Variants in CABCOCO1 observed in about 807,000 individuals in gnomAD.
CABCOCO1 encodes the protein ciliary-associated calcium-binding coiled-coil protein 1.
CABCOCO1 carries 28 observed loss-of-function variants against 35.7 expected under a neutral mutation model. The observed-to-expected ratio is 0.78, with a 90% CI of 0.58 to 1.07. The LOEUF (loss-of-function observed/expected upper bound fraction) is 1.07. CABCOCO1 is among the 50% of genes least tolerant of loss of function. The pLI is 0.00. For missense variants in CABCOCO1, 326 were observed against 309.2 expected (o/e 1.05, Z -0.41); for synonymous variants, 95 against 100.1 (o/e 0.95, Z 0.30).
At chr10:61,730,787 T>C (rs1368182779) in intron 5 of CABCOCO1, among the ~76,000 whole-genome samples, 2 of 152,166 alleles carry the variant, frequency 1.3e-5, no homozygotes, top group African/African-American at 4.8e-5. Context: ...CCTCCTCATA[T>C]ACTGCATTAA....
At position 61,679,894 on chromosome 10, in the gene CABCOCO1, A is replaced by T. The variant is rs542427010; in HGVS notation, c.165-1249A>T. Among the ~76,000 whole-genome samples the T allele has an allele frequency of 5.3e-5, 8 of 152,322 alleles. No homozygotes were observed. In the South Asian group the frequency reaches 1.7e-3, roughly 32 times the overall value. On this transcript the variant is annotated intron_variant, in intron 2 of 7. Transcript: ENST00000648843. Reference sequence around the variant, plus strand: ...AGCTCAAGGAAGAGATAAAGAAATAAAAGATTATAAAACAGTATCCAAAAT... The same window carrying T: ...AGCTCAAGGAAGAGATAAAGAAATATAAGATTATAAAACAGTATCCAAAAT...
intron 5 of CABCOCO1, among the ~76,000 whole-genome samples, chr10:61,732,376 A>G (rs1841323799): frequency 6.6e-6 from 1 of 152,092 alleles, no homozygotes; most frequent in African/African-American, 2.4e-5. Context: ...TGTCTAATCT[A>G]GAATGCAGGT....
chr10:61,687,368 T>C (rs1839998026), intron 4 of CABCOCO1, among the ~76,000 whole-genome samples: 1 of 152,162 alleles, frequency 6.6e-6, no homozygotes, highest in Non-Finnish European at 1.5e-5. Flanking sequence ...TTTCTACCCA[T>C]CAGGGTTTGA....
intron 5 of CABCOCO1, among the ~76,000 whole-genome samples, chr10:61,716,307 C>T (rs980888489): frequency 6.6e-6 from 1 of 152,154 alleles, no homozygotes; most frequent in African/African-American, 2.4e-5. Flanking sequence ...GAAGCAGAAG[C>T]TGCCAGTCCT....
rs112559980 is a variant in CABCOCO1 at position 61,746,260 on chromosome 10, C to T, written c.553-13799C>T. 8.4e-3 allele frequency among the ~76,000 whole-genome samples: 1,273 copies of T among 152,216 alleles called. 3 individuals carry two copies. Among genetic ancestry groups the T allele is most frequent in the Non-Finnish European group, 0.012 (815 of 68,000 alleles). ...GGTGCTTTATAGGACACAATTTATGCTCTCCTTGGTAATTTAAAGGTGATA... is the reference window on the plus strand; with the variant it reads ...GGTGCTTTATAGGACACAATTTATGTTCTCCTTGGTAATTTAAAGGTGATA... On this transcript the variant is annotated intron_variant, in intron 5 of 7. Transcript: ENST00000648843.
At chr10:61,749,841 T>C (rs753536865) in intron 5 of CABCOCO1, among the ~76,000 whole-genome samples, 1 of 152,358 alleles carries the variant, frequency 6.6e-6, no homozygotes, top group East Asian at 1.9e-4. Context: ...TTTGGCTCTT[T>C]CTCAAAACAT....
intron 1 of CABCOCO1, among the ~76,000 whole-genome samples, chr10:61,670,653 C>G (rs990875848): frequency 6.6e-6 from 1 of 152,146 alleles, no homozygotes; most frequent in Non-Finnish European, 1.5e-5. Flanking sequence ...TCTTTTGGAA[C>G]TCAATCGCAT....
At position 61,725,711 on chromosome 10, in the gene CABCOCO1, A is replaced by G. The variant is rs140240628; in HGVS notation, c.553-34348A>G. ...CAACATGGCACATGTATACATATGT[A>G]ACAAACCTGCACATTGTGAACATGT... On this transcript the variant is annotated intron_variant, in intron 5 of 7. Transcript: ENST00000648843. Among the ~76,000 whole-genome samples the G allele has an allele frequency of 4.1e-3, 618 of 152,272 alleles. 6 individuals carry two copies. Among genetic ancestry groups the G allele is most frequent in the African/African-American group, 0.014 (584 of 41,546 alleles).
At chr10:61,681,872 T>A (rs573935677) in intron 3 of CABCOCO1, among the ~76,000 whole-genome samples, 3 of 152,162 alleles carry the variant, frequency 2.0e-5, no homozygotes, top group East Asian at 3.9e-4. Context: ...AGAAAAAAAA[T>A]AATAATCAAA....
chr10:61,665,581 A>G (rs1339485216), intron 1 of CABCOCO1, among the ~76,000 whole-genome samples: 1 of 152,138 alleles, frequency 6.6e-6, no homozygotes, highest in Non-Finnish European at 1.5e-5. Flanking sequence ...GACTTTTTTT[A>G]ATATCTTCAA....
intron 5 of CABCOCO1, among the ~76,000 whole-genome samples, chr10:61,756,695 T>G (rs10994909): frequency 0.23 from 35,238 of 151,960 alleles, 4,625 homozygotes; most frequent in East Asian, 0.55. Context: ...ATTTTTAATC[T>G]CAGCATTAGG....
At chr10:61,711,824 C>T (rs1840738834) in intron 5 of CABCOCO1, among the ~76,000 whole-genome samples, 1 of 151,772 alleles carries the variant, frequency 6.6e-6, no homozygotes, top group Non-Finnish European at 1.5e-5. Context: ...TATGTACAGA[C>T]TAAATACACA....
At chr10:61,680,893 G>A (rs534263889) in intron 2 of CABCOCO1, among the ~76,000 whole-genome samples, 3 of 150,908 alleles carry the variant, frequency 2.0e-5, no homozygotes, top group Middle Eastern at 3.4e-3. Context: ...GGGAAGGGGA[G>A]AGAAGGAGGA....
chr10:61,699,424 C>T (rs1840382735), intron 5 of CABCOCO1, among the ~76,000 whole-genome samples: 2 of 152,138 alleles, frequency 1.3e-5, no homozygotes, highest in East Asian at 1.9e-4. Flanking sequence ...ACTCTTGAGA[C>T]TGTCACCCAA....
At chr10:61,684,402 A>C (rs1276405327) in intron 3 of CABCOCO1, among the ~76,000 whole-genome samples, 1 of 152,176 alleles carries the variant, frequency 6.6e-6, no homozygotes, top group Non-Finnish European at 1.5e-5. Context: ...CTTATTAGTA[A>C]TTTTGGTATT....
chr10:61,729,823 A>G (rs1440949888), intron 5 of CABCOCO1, among the ~76,000 whole-genome samples: 2 of 152,164 alleles, frequency 1.3e-5, no homozygotes, highest in African/African-American at 4.8e-5. Flanking sequence ...GCATGGATAA[A>G]CCTTGAGGAC....
intron 5 of CABCOCO1, among the ~76,000 whole-genome samples, chr10:61,695,116 A>G (rs963843081): frequency 6.6e-6 from 1 of 152,004 alleles, no homozygotes; most frequent in Non-Finnish European, 1.5e-5. Context: ...GCTTGAAAAT[A>G]ATTATCCTTA....
chr10:61,687,294 AG>A (rs1338969878), intron 4 of CABCOCO1, among the ~76,000 whole-genome samples: 1 of 152,212 alleles, frequency 6.6e-6, no homozygotes, highest in Non-Finnish European at 1.5e-5. Context: ...AAGCAAAGCA[AG>A]GTCCTTGTGT....
chr10:61,722,462 A>T (rs983687951), intron 5 of CABCOCO1, among the ~76,000 whole-genome samples: 4 of 152,138 alleles, frequency 2.6e-5, no homozygotes, highest in Non-Finnish European at 4.4e-5. Flanking sequence ...CAAACCTATG[A>T]CACATAACCA....
Sources: gnomAD v4.1 joint callset for allele counts (sites outside exome capture counted in the v4.1 genomes callset) on GRCh38, gnomAD v4.1.1 for gene constraint, MANE v1.5 for transcripts, NCBI Gene and HGNC (gene_info 2026-07-23, HGNC 2026-07-21) for gene names.